Variants in WNK2 observed in about 807,000 individuals in gnomAD.
WNK2 encodes the protein WNK lysine deficient protein kinase 2, also known as serine/threonine-protein kinase WNK2.
A neutral mutation model predicts 192.1 loss-of-function variants in WNK2; 67 were observed. The ratio of observed to expected loss-of-function variants is 0.35; its 90% CI spans 0.29 to 0.43. WNK2 has a LOEUF of 0.43. Ranked by LOEUF, WNK2 falls within the 20% of genes least tolerant of loss-of-function variation. WNK2 has a pLI of 1.00. For missense variants in WNK2, 2,698 were observed against 3,089.7 expected (o/e 0.87, Z 3.01); for synonymous variants, 1,439 against 1,393.9 (o/e 1.03, Z -0.72).
chr9:93,186,750 G>A (rs1829416694), intron 2 of WNK2, among the ~76,000 whole-genome samples: 1 of 152,190 alleles, frequency 6.6e-6, no homozygotes, highest in African/African-American at 2.4e-5. Context: ...GGTGGGTGTC[G>A]ACCTGTCGTC....
chr9:93,218,915 G>A (rs556066661), intron 2 of WNK2, among the ~76,000 whole-genome samples: 1 of 152,220 alleles, frequency 6.6e-6, no homozygotes, highest in Admixed American at 6.5e-5. Flanking sequence ...GGGGAGCCTG[G>A]ATGTGACAGG....
At chr9:93,201,131 C>T (rs1832270937) in intron 2 of WNK2, among the ~76,000 whole-genome samples, 1 of 152,188 alleles carries the variant, frequency 6.6e-6, no homozygotes, top group Non-Finnish European at 1.5e-5. Context: ...CCTTTCCATC[C>T]TGTGGCTGTT....
chr9:93,277,736 G>C (rs1158068231), intron 19 of WNK2, among the ~76,000 whole-genome samples: 6 of 152,148 alleles, frequency 3.9e-5, no homozygotes, highest in African/African-American at 1.4e-4. Context: ...TGATGGAATT[G>C]TTTTCTATCC....
intron 2 of WNK2, among the ~76,000 whole-genome samples, chr9:93,197,468 A>G (rs1337374586): frequency 6.6e-6 from 1 of 152,136 alleles, no homozygotes; most frequent in Non-Finnish European, 1.5e-5. Context: ...ATCTGTCAGC[A>G]TTGTCTTCTG....
At chr9:93,268,522 G>A (rs1205730453) in intron 18 of WNK2, 105 bp from the exon 19 acceptor site, 1 of 1,507,070 alleles carries the variant, frequency 6.6e-7, no homozygotes, top group Admixed American at 2.0e-5. Flanking sequence ...AGGTGTAAAG[G>A]AGTTCACAGA....
At chr9:93,297,803 T>C in intron 23 of WNK2, 50 bp from the exon 24 acceptor site, 1 of 1,528,386 alleles carries the variant, frequency 6.5e-7, no homozygotes, top group Non-Finnish European at 8.8e-7. Flanking sequence ...CTGGCGGTGT[T>C]GGAAACACCG....
intron 10 of WNK2, 122 bp from the exon 11 acceptor site, chr9:93,256,826 G>T: frequency 1.1e-6 from 1 of 902,772 alleles, no homozygotes. Context: ...AGGCATGTGT[G>T]AATGTGAGCA....
intron 2 of WNK2, among the ~76,000 whole-genome samples, chr9:93,200,573 C>T (rs1205385426): frequency 3.3e-5 from 5 of 152,208 alleles, no homozygotes; most frequent in Admixed American, 2.6e-4. Flanking sequence ...GTGCCCTTGG[C>T]TTGGTGTGGT....
chr9:93,229,275 G>C lies in WNK2; in HGVS notation c.682-421G>C, dbSNP rs1448890251. ...TCAGTCACCTGTCCACGTCTCCTCT[G>C]TTCTAATCCACTGGGCCCTGAGTAC... is the stretch of plus-strand genomic sequence containing the variant. On this transcript the variant is annotated intron_variant, in intron 2 of 29. Transcript: ENST00000427277. The surrounding 1 kb of genome is among the most constrained non-coding windows in gnomAD (Gnocchi z 4.9). Among the ~76,000 whole-genome samples, 1 of 152,120 alleles carries C rather than the reference G, an allele frequency of 6.6e-6. No homozygotes were observed. Among genetic ancestry groups the C allele is most frequent in the Non-Finnish European group, 1.5e-5 (1 of 68,030 alleles).
At position 93,202,324 on chromosome 9, in the gene WNK2, A is replaced by ACG. The variant is rs1832533559; in HGVS notation, c.681+16715_681+16716dup. ...AGGGCCTCTGCTGGGCTCCGTGTGC[A>ACG]CGTGTGTGTGTGTGTGTGTGTGTGT... On this transcript the variant is annotated intron_variant, in intron 2 of 29. Transcript: ENST00000427277. Among the ~76,000 whole-genome samples, 25 of 74,494 alleles carry ACG rather than the reference A, an allele frequency of 3.4e-4. No homozygotes were observed. In the East Asian group the frequency reaches 0.01, roughly 31 times the overall value. 48.9% of individuals were successfully genotyped at this position (74,494 alleles called of 152,430 possible). A position where few individuals can be genotyped will look rare whatever the true frequency, so the allele number is the denominator to read the frequency against.
At chr9:93,307,029 A>G (rs986212102) in intron 27 of WNK2, 11 of 629,226 alleles carry the variant, frequency 1.7e-5, no homozygotes, top group Admixed American at 1.7e-4. Context: ...CGTGGCGCCT[A>G]GAGTTTGTGC....
intron 21 of WNK2, 81 bp downstream of exon 21, chr9:93,290,128 C>T (rs1162224967): frequency 7.2e-6 from 9 of 1,258,614 alleles, no homozygotes; most frequent in Admixed American, 4.8e-5. Flanking sequence ...TCCGCACCCT[C>T]GTCTTTCATC....
At chr9:93,203,627 C>T (rs1317539381) in intron 2 of WNK2, among the ~76,000 whole-genome samples, 4 of 152,142 alleles carry the variant, frequency 2.6e-5, no homozygotes, top group Non-Finnish European at 4.4e-5. Context: ...AGTTAAGTAT[C>T]TTGAGACTGG....
intron 2 of WNK2, among the ~76,000 whole-genome samples, chr9:93,190,656 G>A (rs12000524): frequency 0.31 from 47,582 of 152,230 alleles, 7,711 homozygotes; most frequent in African/African-American, 0.38. Context: ...GGAACCTTCC[G>A]TGGTGGCAGA....
At chr9:93,262,154 C>T in intron 13 of WNK2, 47 bp downstream of exon 13, 10 of 1,528,422 alleles carry the variant, frequency 6.5e-6, no homozygotes, top group Non-Finnish European at 7.9e-6. Context: ...GCAGTTGCGG[C>T]CACCGGGGAT....
chr9:93,256,413 A>C lies in WNK2; in HGVS notation c.2149A>C (p.Met717Leu). Reference sequence around the variant, plus strand: ...CGTGCTGCCGCCGCCCAGCACCCCCATGCCCACGGGCCCAGGCCAGCCAGC... The same window carrying C: ...CGTGCTGCCGCCGCCCAGCACCCCCCTGCCCACGGGCCCAGGCCAGCCAGC... ...APVLPPPSTP[M>L]PTGPGQPAPP... The change falls in exon 10 of 30, where the codon ATG (methionine) becomes CTG (leucine). Residue 717 changes from methionine (M) to leucine (L), a missense_variant. By Grantham distance (15) the Met-to-Leu change is conservative. Coordinates refer to ENST00000427277, the MANE Select transcript of WNK2 (RefSeq NM_006648.4). The C allele has an allele frequency of 6.5e-7, 1 of 1,541,510 alleles. No individual in the cohort carries two copies. The highest frequency in any genetic ancestry group is 8.7e-7 in the Non-Finnish European group (1 of 1,149,320).
chr9:93,301,819 G>A (rs1488287778), intron 26 of WNK2, among the ~76,000 whole-genome samples: 1 of 152,218 alleles, frequency 6.6e-6, no homozygotes, highest in African/African-American at 2.4e-5. Context: ...CCCATGCTGT[G>A]TTTTGTGGTA....
At chr9:93,227,413 G>A (rs759979307) in intron 2 of WNK2, among the ~76,000 whole-genome samples, 2 of 148,910 alleles carry the variant, frequency 1.3e-5, no homozygotes, top group Non-Finnish European at 3.0e-5. Flanking sequence ...GCACCCGGCC[G>A]TATCCATCTT....
At chr9:93,217,889 G>A (rs1444886931) in intron 2 of WNK2, among the ~76,000 whole-genome samples, 1 of 152,192 alleles carries the variant, frequency 6.6e-6, no homozygotes, top group African/African-American at 2.4e-5. Context: ...GAAAGGAAGT[G>A]AGGCCTAGGT....
Sources: gnomAD v4.1 joint callset for allele counts (sites outside exome capture counted in the v4.1 genomes callset) on GRCh38, gnomAD v4.1.1 for gene constraint, Gnocchi (gnomAD v3.1) non-coding constraint, MANE v1.5 for transcripts, NCBI Gene and HGNC (gene_info 2026-07-23, HGNC 2026-07-21) for gene names.